Variants in ACMSD observed in about 807,000 individuals in gnomAD.
ACMSD encodes the protein 2-amino-3-carboxymuconate-6-semialdehyde decarboxylase.
In ACMSD, 37 loss-of-function variants were observed where a neutral mutation model predicts 45.9. That is an observed-to-expected ratio of 0.81 (90% confidence interval 0.62 to 1.06). The LOEUF (loss-of-function observed/expected upper bound fraction) is 1.06, where lower values mean the gene tolerates loss of function less well. Among genes scored for constraint, ACMSD ranks in the 50% least tolerant of loss-of-function variants. ACMSD has a pLI of 0.00. For missense variants in ACMSD, 434 were observed against 420.9 expected (o/e 1.03, Z -0.27); for synonymous variants, 138 against 148.8 (o/e 0.93, Z 0.53).
chr2:134,883,655 G>A (rs1357750577), intron 8 of ACMSD, among the ~76,000 whole-genome samples: 1 of 151,962 alleles, frequency 6.6e-6, no homozygotes, highest in Non-Finnish European at 1.5e-5. Context: ...TACCATGGCT[G>A]GCTAAATTTT....
At chr2:134,864,488 C>A (rs563065155) in intron 5 of ACMSD, among the ~76,000 whole-genome samples, 1 of 152,226 alleles carries the variant, frequency 6.6e-6, no homozygotes, top group South Asian at 2.1e-4. Context: ...AATTCTGTTA[C>A]ACATGTGATT....
chr2:134,870,240 G>A (rs971597691), intron 6 of ACMSD, among the ~76,000 whole-genome samples: 2 of 152,228 alleles, frequency 1.3e-5, no homozygotes, highest in Non-Finnish European at 2.9e-5. Flanking sequence ...ACATGGACCA[G>A]CTGCTTCTCC....
chr2:134,855,734 G>T (rs1687550477), intron 2 of ACMSD, among the ~76,000 whole-genome samples: 1 of 152,320 alleles, frequency 6.6e-6, no homozygotes, highest in East Asian at 1.9e-4. Flanking sequence ...ATAAAATGTG[G>T]ATCTGAAGTC....
chr2:134,850,876 T>C (rs1687309283), intron 2 of ACMSD, among the ~76,000 whole-genome samples: 1 of 152,182 alleles, frequency 6.6e-6, no homozygotes. Flanking sequence ...AGGGGTATGA[T>C]TGAACCCGCC....
rs1258376348 is a variant in ACMSD, at chr2:134,887,816, T to C, written c.850-10525T>C. ...GGTGCTGAAGCAAGAATCCATCATA[T>C]GGGGGGGAAATGAACCCTGACCCTA... On this transcript the variant is annotated intron_variant, in intron 8 of 9. Coordinates refer to ENST00000356140, the MANE Select transcript of ACMSD (RefSeq NM_138326.3). Among the ~76,000 whole-genome samples the C allele has an allele frequency of 3.3e-5, 5 of 152,072 alleles. No individual in the cohort carries two copies. The East Asian group carries it at 7.7e-4, about 23-fold the overall frequency.
intron 8 of ACMSD, among the ~76,000 whole-genome samples, chr2:134,882,991 AT>A (rs1689123521): frequency 6.6e-6 from 1 of 152,196 alleles, no homozygotes; most frequent in African/African-American, 2.4e-5. Flanking sequence ...GGAGAGGGAA[AT>A]GTATGTTGGA....
chr2:134,850,654 A>G (rs1687295843), intron 2 of ACMSD, among the ~76,000 whole-genome samples: 1 of 117,024 alleles, frequency 8.5e-6, no homozygotes. Flanking sequence ...GTTTTTAAGA[A>G]TAATTTATTA....
At chr2:134,849,130 C>G (rs1434308936) in intron 2 of ACMSD, among the ~76,000 whole-genome samples, 2 of 151,970 alleles carry the variant, frequency 1.3e-5, no homozygotes, top group Non-Finnish European at 2.9e-5. Context: ...TACTCCATGT[C>G]CCTGTCTTCA....
chr2:134,842,745 T>G (rs546265851), intron 1 of ACMSD, among the ~76,000 whole-genome samples: 1 of 152,280 alleles, frequency 6.6e-6, no homozygotes, highest in Admixed American at 6.5e-5. Flanking sequence ...AAAACTTATG[T>G]CCCCACCACT....
chr2:134,898,458 C>T lies in ACMSD; in HGVS notation c.948+19C>T, dbSNP rs771717069. On this transcript the variant is annotated intron_variant, in intron 9 of 9. Transcript: ENST00000356140. ...AACAAAGGTATAATGTCTTTTACTT[C>T]ACGGCTTTCTTACTGACTTTTCCTG... 5.9e-6 allele frequency: 9 copies of T among 1,532,748 alleles called. No individual in the cohort carries two copies. Among genetic ancestry groups the T allele is most frequent in the Non-Finnish European group, 7.9e-6 (9 of 1,137,828 alleles). 94.9% of individuals were successfully genotyped at this position (1,532,748 alleles called of 1,614,324 possible).
chr2:134,883,699 C>T (rs1251024281), intron 8 of ACMSD, among the ~76,000 whole-genome samples: 3 of 152,122 alleles, frequency 2.0e-5, no homozygotes, highest in African/African-American at 7.2e-5. Flanking sequence ...ACCATGTTGC[C>T]CAGACTGGTC....
At position 134,886,243 on chromosome 2, in the gene ACMSD, A is replaced by ATTTT. The variant is rs200101134; in HGVS notation, c.850-12096_850-12095insTTTT. On this transcript the variant is annotated intron_variant, in intron 8 of 9. Transcript: ENST00000356140. Reference sequence around the variant, plus strand: ...AATTCATTACCCATTCATTATTATTATTATTTTTTTTTTTTTTTTTTTTTT... The same window carrying ATTTT: ...AATTCATTACCCATTCATTATTATTATTTTTTATTTTTTTTTTTTTTTTTTTTTT... Among the ~76,000 whole-genome samples the ATTTT allele has an allele frequency of 8.2e-4, 101 of 123,448 alleles. 3 individuals are homozygous for ATTTT. The East Asian group carries it at 0.012, about 15-fold the overall frequency. 81.0% of individuals were successfully genotyped at this position (123,448 alleles called of 152,430 possible).
intron 2 of ACMSD, among the ~76,000 whole-genome samples, chr2:134,852,739 G>C (rs1454989627): frequency 6.6e-6 from 1 of 152,116 alleles, no homozygotes; most frequent in Non-Finnish European, 1.5e-5. Flanking sequence ...ACAAGGTCTG[G>C]GCCATTTCTG....
chr2:134,889,640 G>A (rs1206753063), intron 8 of ACMSD, among the ~76,000 whole-genome samples: 1 of 152,124 alleles, frequency 6.6e-6, no homozygotes, highest in Non-Finnish European at 1.5e-5. Context: ...AGTAAAGGAT[G>A]ATTTAAAGTA....
intron 7 of ACMSD, 104 bp downstream of exon 7, chr2:134,871,164 C>T: frequency 1.9e-6 from 2 of 1,050,138 alleles, no homozygotes; most frequent in Non-Finnish European, 2.8e-6. Context: ...GTCCTGGAGG[C>T]TAGAAGTCCA....
chr2:134,858,119 T>G (rs1687666380), intron 2 of ACMSD, among the ~76,000 whole-genome samples: 1 of 152,082 alleles, frequency 6.6e-6, no homozygotes, highest in African/African-American at 2.4e-5. Flanking sequence ...AGCCAAGATA[T>G]GGAATCAATC....
chr2:134,838,943 T>C (rs1478703746), intron 1 of ACMSD, among the ~76,000 whole-genome samples: 1 of 152,218 alleles, frequency 6.6e-6, no homozygotes, highest in South Asian at 2.1e-4. Context: ...AAGAAATAAG[T>C]GCTTTCTCAG....
At chr2:134,876,690 AATG>A (rs530171945) in intron 8 of ACMSD, among the ~76,000 whole-genome samples, 29 of 152,304 alleles carry the variant, frequency 1.9e-4, no homozygotes, top group African/African-American at 5.8e-4. Context: ...ACTCCAAAAT[AATG>A]ATAAAAAGGA....
intron 2 of ACMSD, among the ~76,000 whole-genome samples, chr2:134,848,805 C>T (rs962932253): frequency 1.3e-5 from 2 of 152,188 alleles, no homozygotes; most frequent in African/African-American, 4.8e-5. Flanking sequence ...GTTGCCATTG[C>T]TTCCGGTGTT....
Sources: gnomAD v4.1 joint callset for allele counts (sites outside exome capture counted in the v4.1 genomes callset) on GRCh38, gnomAD v4.1.1 for gene constraint, MANE v1.5 for transcripts, NCBI Gene and HGNC (gene_info 2026-07-23, HGNC 2026-07-21) for gene names.